Variants in CSMD1 observed in about 807,000 individuals in gnomAD.
CSMD1 encodes CUB and Sushi multiple domains 1.
A neutral mutation model predicts 417.5 loss-of-function variants in CSMD1; 213 were observed. That is an observed-to-expected ratio of 0.51 (90% CI 0.46 to 0.57). The LOEUF (loss-of-function observed/expected upper bound fraction) is 0.57, where lower values mean the gene tolerates loss of function less well. Among genes scored for constraint, CSMD1 ranks in the 20% least tolerant of loss-of-function variants. The pLI is 0.00. For missense variants in CSMD1, 6,923 were observed against 4,529.7 expected (o/e 1.53, Z -15.17); for synonymous variants, 2,862 against 1,736.8 (o/e 1.65, Z -16.11).
intron 10 of CSMD1, among the ~76,000 whole-genome samples, chr8:3,555,353 G>C (rs577136985): frequency 3.4e-4 from 51 of 152,192 alleles, no homozygotes; most frequent in African/African-American, 1.2e-3. Flanking sequence ...GGGTATTTCT[G>C]GTGTGGTCAT....
chr8:4,775,313 G>A (rs1166618265), intron 1 of CSMD1, among the ~76,000 whole-genome samples: 1 of 152,144 alleles, frequency 6.6e-6, no homozygotes, highest in Non-Finnish European at 1.5e-5. Flanking sequence ...AGGAATCAAG[G>A]TGATATGTAG....
At chr8:4,891,223 G>A (rs1264521745) in intron 1 of CSMD1, among the ~76,000 whole-genome samples, 1 of 152,028 alleles carries the variant, frequency 6.6e-6, no homozygotes, top group South Asian at 2.1e-4. Context: ...ACTATGAAGA[G>A]GTAAAATTCT....
At chr8:4,348,847 G>C (rs577992129) in intron 3 of CSMD1, among the ~76,000 whole-genome samples, 1 of 152,034 alleles carries the variant, frequency 6.6e-6, no homozygotes, top group Admixed American at 6.6e-5. Context: ...TTTAAGGTAC[G>C]AACATGCTCT....
rs551010428 is a variant in CSMD1 at position 4,446,082 on chromosome 8, C to G, written c.303-26017G>C. Among the ~76,000 whole-genome samples, 6 of 152,302 alleles carry G rather than the reference C, an allele frequency of 3.9e-5. No homozygotes were observed. In the East Asian group the frequency reaches 7.7e-4, roughly 20 times the overall value. On this transcript the variant is annotated intron_variant, in intron 2 of 69. Transcript: ENST00000635120. ...CGAGGCTGTTTCATAGGCGGAAGGGCTCCGTGTTCACTGTAGACAGCAAGT... is the reference window on the plus strand; with the variant it reads ...CGAGGCTGTTTCATAGGCGGAAGGGGTCCGTGTTCACTGTAGACAGCAAGT...
At chr8:3,692,747 G>A (rs374218554) in intron 7 of CSMD1, among the ~76,000 whole-genome samples, 19 of 152,086 alleles carry the variant, frequency 1.2e-4, no homozygotes, top group Non-Finnish European at 2.2e-4. Context: ...CAATTTCTGA[G>A]AATGAACTTT....
chr8:4,845,458 G>C (rs1345038823), intron 1 of CSMD1, among the ~76,000 whole-genome samples: 1 of 152,170 alleles, frequency 6.6e-6, no homozygotes, highest in Non-Finnish European at 1.5e-5. Context: ...AAATCTTCAA[G>C]TGCAATCAGC....
intron 1 of CSMD1, among the ~76,000 whole-genome samples, chr8:4,823,918 G>T (rs975931346): frequency 6.6e-6 from 1 of 151,836 alleles, no homozygotes; most frequent in Admixed American, 6.6e-5. Context: ...AGAAGAAAGA[G>T]GAAAGAGCAT....
At chr8:4,730,657 T>G (rs532972219) in intron 1 of CSMD1, among the ~76,000 whole-genome samples, 1 of 151,660 alleles carries the variant, frequency 6.6e-6, no homozygotes, top group South Asian at 2.1e-4. Context: ...AGGAGAATGG[T>G]GTGAACCCGG....
chr8:4,900,727 C>G (rs570287499), intron 1 of CSMD1, among the ~76,000 whole-genome samples: 1 of 152,214 alleles, frequency 6.6e-6, no homozygotes, highest in Non-Finnish European at 1.5e-5. Context: ...CTTCCACTCA[C>G]GGAGTTAACT....
chr8:3,452,776 C>A (rs1002921261), intron 12 of CSMD1, among the ~76,000 whole-genome samples: 2 of 152,044 alleles, frequency 1.3e-5, no homozygotes, highest in Admixed American at 1.3e-4. Flanking sequence ...GTCTAAAATT[C>A]TCTTTTTTTG....
Position 3,746,492 on chromosome 8 carries a change from CAG to C in CSMD1, c.931+7436_931+7437del, listed in dbSNP as rs147593348. Among the ~76,000 whole-genome samples, 957 of 152,246 alleles carry C rather than the reference CAG, an allele frequency of 6.3e-3. 4 individuals are homozygous for C. Among genetic ancestry groups the C allele is most frequent in the Middle Eastern group, 0.01 (3 of 294 alleles). ...AAACGTTTGTCATGCATTAATATTTCAGAGACACAACTTTAAAATAAATCAAT... is the reference window on the plus strand; with the variant it reads ...AAACGTTTGTCATGCATTAATATTTCAGACACAACTTTAAAATAAATCAAT... On this transcript the variant is annotated intron_variant, in intron 6 of 69. Transcript: ENST00000635120.
At chr8:4,263,789 G>C (rs773276156) in intron 3 of CSMD1, among the ~76,000 whole-genome samples, 2 of 152,124 alleles carry the variant, frequency 1.3e-5, no homozygotes, top group Non-Finnish European at 2.9e-5. Context: ...TACTCCAATT[G>C]TGACTGGCTC....
intron 10 of CSMD1, among the ~76,000 whole-genome samples, chr8:3,502,204 A>AT (rs1796631170): frequency 6.6e-6 from 1 of 151,934 alleles, no homozygotes; most frequent in Non-Finnish European, 1.5e-5. Flanking sequence ...CTCTACTAAA[A>AT]ATATAAAAAA....
chr8:3,888,703 G>A (rs1322457698), intron 5 of CSMD1, among the ~76,000 whole-genome samples: 1 of 152,142 alleles, frequency 6.6e-6, no homozygotes, highest in African/African-American at 2.4e-5. Context: ...GACAGAGATG[G>A]TGCTGCTGGC....
At chr8:3,965,765 G>A (rs1321384014) in intron 5 of CSMD1, among the ~76,000 whole-genome samples, 1 of 151,998 alleles carries the variant, frequency 6.6e-6, no homozygotes, top group Non-Finnish European at 1.5e-5. Flanking sequence ...CTACAGGCAT[G>A]TGACACCACA....
At chr8:3,510,961 C>T (rs1177169665) in intron 10 of CSMD1, among the ~76,000 whole-genome samples, 1 of 151,680 alleles carries the variant, frequency 6.6e-6, no homozygotes, top group Non-Finnish European at 1.5e-5. Context: ...TTCACAATAG[C>T]AAAGACTTGG....
chr8:4,359,492 G>C lies in CSMD1; in HGVS notation c.415+60461C>G, dbSNP rs991449688. Among the ~76,000 whole-genome samples, 14 of 152,212 alleles carry C rather than the reference G, an allele frequency of 9.2e-5. No homozygotes were observed. In the East Asian group the frequency reaches 2.1e-3, roughly 23 times the overall value. The stretch of plus-strand genomic sequence containing the variant: ...AAACAAGATTGAATCCTTCCTCTTT[G>C]TCTCTTATAGACTTCCCCAACCTTG... On this transcript the variant is annotated intron_variant, in intron 3 of 69. Coordinates refer to ENST00000635120, the MANE Select transcript of CSMD1 (RefSeq NM_033225.6).
At chr8:4,513,544 C>A (rs1167780225) in intron 2 of CSMD1, among the ~76,000 whole-genome samples, 1 of 152,126 alleles carries the variant, frequency 6.6e-6, no homozygotes, top group Non-Finnish European at 1.5e-5. Context: ...TTCATGAAAT[C>A]TTCTAGAGAA....
At chr8:3,731,621 G>A (rs1294477698) in intron 6 of CSMD1, among the ~76,000 whole-genome samples, 5 of 152,092 alleles carry the variant, frequency 3.3e-5, no homozygotes, top group African/African-American at 1.2e-4. Flanking sequence ...AGGCTAAAAT[G>A]GAAAGGATGC....
Sources: gnomAD v4.1 joint callset for allele counts (sites outside exome capture counted in the v4.1 genomes callset) on GRCh38, gnomAD v4.1.1 for gene constraint, MANE v1.5 for transcripts, NCBI Gene and HGNC (gene_info 2026-07-23, HGNC 2026-07-21) for gene names.